Variants in PDE10A observed in about 807,000 individuals in gnomAD.
PDE10A encodes the protein phosphodiesterase 10A.
Under a neutral mutation model 97.7 loss-of-function variants are expected in PDE10A, and 39 were observed. That is an observed-to-expected ratio of 0.40 (90% CI 0.31 to 0.52). The LOEUF (loss-of-function observed/expected upper bound fraction) is 0.52, where lower values mean the gene tolerates loss of function less well. Among genes scored for constraint, PDE10A ranks in the 20% least tolerant of loss-of-function variants. PDE10A has a pLI of 0.56. For synonymous variants in PDE10A, 371 were observed against 376.8 expected, an observed-to-expected ratio of 0.98 and a Z score of 0.18; for missense variants, 731 against 1,047.8, an observed-to-expected ratio of 0.70 and a Z score of 4.17.
At chr6:165,471,940 C>CT (rs911040166) in intron 3 of PDE10A, among the ~76,000 whole-genome samples, 3 of 152,052 alleles carry the variant, frequency 2.0e-5, no homozygotes, top group South Asian at 4.1e-4. Context: ...TAATTTAATG[C>CT]TTTTTTCTCT....
chr6:165,743,280 T>C (rs1383019423), intron 1 of PDE10A, among the ~76,000 whole-genome samples: 5 of 152,226 alleles, frequency 3.3e-5, no homozygotes, highest in Admixed American at 2.0e-4. Context: ...GAGTCATGCT[T>C]AGTGTTCCCA....
At chr6:165,882,401 T>C (rs1781507309) in intron 1 of PDE10A, among the ~76,000 whole-genome samples, 1 of 152,238 alleles carries the variant, frequency 6.6e-6, no homozygotes, top group African/African-American at 2.4e-5. Context: ...TTAATACCAT[T>C]GTGTATTATA....
chr6:165,673,435 T>C (rs1230042564), intron 1 of PDE10A, among the ~76,000 whole-genome samples: 1 of 152,228 alleles, frequency 6.6e-6, no homozygotes, highest in Non-Finnish European at 1.5e-5. Flanking sequence ...GGATTTATTG[T>C]AGCTTCTCTA....
At chr6:165,764,427 T>C (rs1777753438) in intron 1 of PDE10A, among the ~76,000 whole-genome samples, 1 of 152,224 alleles carries the variant, frequency 6.6e-6, no homozygotes. Flanking sequence ...TTATTCTCCC[T>C]ATTGGTGTGT....
chr6:165,373,490 T>C (rs1417593144), intron 18 of PDE10A, among the ~76,000 whole-genome samples: 2 of 152,338 alleles, frequency 1.3e-5, no homozygotes, highest in African/African-American at 4.8e-5. Flanking sequence ...ATGCTCATCA[T>C]GACTGGCCAT....
At chr6:165,563,298 G>A (rs1784616841) in intron 1 of PDE10A, among the ~76,000 whole-genome samples, 1 of 151,898 alleles carries the variant, frequency 6.6e-6, no homozygotes, top group Admixed American at 6.6e-5. Context: ...ATTTAGTAAT[G>A]AGATCAAGAA....
Position 165,418,845 on chromosome 6 carries a change from CATAAA to C in PDE10A, c.1654-73_1654-69del. The C allele has an allele frequency of 7.5e-7, 1 of 1,332,196 alleles. No homozygotes were observed. The allele number at this position is 1,332,196 out of a possible 1,614,324, so 82.5% of individuals were successfully genotyped here. ...CAAAGAACTTGCAGGTAAACTTTAT[CATAAA>C]ATAAGTATTAATTTCAGCTGTCCTA... On this transcript the variant is annotated intron_variant, in intron 10 of 21. Transcript: ENST00000539869. This position sits in a 1 kb window ranked among gnomAD's most constrained non-coding sequence, Gnocchi z 4.8.
intron 10 of PDE10A, among the ~76,000 whole-genome samples, chr6:165,421,495 G>T (rs1177934641): frequency 6.6e-6 from 1 of 152,034 alleles, no homozygotes; most frequent in African/African-American, 2.4e-5. Flanking sequence ...AAAAACTTTA[G>T]TAAAATGGAA....
intron 1 of PDE10A, among the ~76,000 whole-genome samples, chr6:165,679,731 T>C (rs1790925416): frequency 6.6e-6 from 1 of 152,234 alleles, no homozygotes; most frequent in Non-Finnish European, 1.5e-5. Context: ...CTGTGATGTC[T>C]TTCTCTCTCC....
intron 1 of PDE10A, among the ~76,000 whole-genome samples, chr6:165,796,144 G>A (rs1400431227): frequency 7.0e-5 from 9 of 128,142 alleles, no homozygotes; most frequent in Admixed American, 4.0e-4. Context: ...CACCCAGGCC[G>A]GAGTGCAGTG....
chr6:165,500,208 A>T (rs887589742), intron 2 of PDE10A, among the ~76,000 whole-genome samples: 1 of 151,932 alleles, frequency 6.6e-6, no homozygotes, highest in Non-Finnish European at 1.5e-5. Flanking sequence ...TACATTATAT[A>T]TAATAGATAT....
intron 21 of PDE10A, 27 bp from the exon 22 acceptor site, chr6:165,333,154 A>G: frequency 3.0e-6 from 4 of 1,332,766 alleles, no homozygotes; most frequent in Non-Finnish European, 4.3e-6. Context: ...CAGTTTCAGG[A>G]GAAGCTGAAT....
chr6:165,742,784 C>T (rs1475147328), intron 1 of PDE10A, among the ~76,000 whole-genome samples: 1 of 152,110 alleles, frequency 6.6e-6, no homozygotes, highest in Non-Finnish European at 1.5e-5. Context: ...CAGCTGTGCT[C>T]TTCCACCCCC....
chr6:165,701,712 T>TAA (rs1362372290), intron 1 of PDE10A, among the ~76,000 whole-genome samples: 1 of 151,380 alleles, frequency 6.6e-6, no homozygotes, highest in Non-Finnish European at 1.5e-5. Context: ...TGTGTGCATG[T>TAA]GTGTGTTTGC....
At chr6:165,792,173 C>G (rs1778674171) in intron 1 of PDE10A, among the ~76,000 whole-genome samples, 1 of 152,248 alleles carries the variant, frequency 6.6e-6, no homozygotes, top group African/African-American at 2.4e-5. Flanking sequence ...GCCCCTGCCC[C>G]ACTTGCCCTC....
At chr6:165,408,382 C>G (rs915229320) in intron 13 of PDE10A, among the ~76,000 whole-genome samples, 19 of 152,002 alleles carry the variant, frequency 1.2e-4, no homozygotes, top group Admixed American at 1.0e-3. Flanking sequence ...TCCTAATTTT[C>G]ATATGATGCT....
intron 2 of PDE10A, among the ~76,000 whole-genome samples, chr6:165,535,402 G>A (rs571145645): frequency 6.6e-6 from 1 of 151,626 alleles, no homozygotes; most frequent in African/African-American, 2.4e-5. Flanking sequence ...ACATATGCAA[G>A]ATCTATTATT....
At chr6:165,498,209 G>A (rs558476503) in intron 2 of PDE10A, among the ~76,000 whole-genome samples, 21 of 151,502 alleles carry the variant, frequency 1.4e-4, no homozygotes, top group Admixed American at 8.6e-4. Context: ...CCAGGAGTTC[G>A]AAACCAGGTG....
At chr6:165,824,750 T>C (rs944312924) in intron 1 of PDE10A, among the ~76,000 whole-genome samples, 5 of 152,138 alleles carry the variant, frequency 3.3e-5, no homozygotes, top group African/African-American at 1.2e-4. Context: ...CAGGACAATC[T>C]ATTGTATATT....
Sources: gnomAD v4.1 joint callset for allele counts (sites outside exome capture counted in the v4.1 genomes callset) on GRCh38, gnomAD v4.1.1 for gene constraint, Gnocchi (gnomAD v3.1) non-coding constraint, MANE v1.5 for transcripts, NCBI Gene and HGNC (gene_info 2026-07-23, HGNC 2026-07-21) for gene names.